The following CHST8 variants were observed in gnomAD, a reference collection of about 807,000 sequenced individuals.
The protein encoded by CHST8 is carbohydrate sulfotransferase 8, also known as GALNAC-4-ST1.
In CHST8, 10 loss-of-function variants were observed where a neutral mutation model predicts 15.0. The observed-to-expected ratio is 0.67, with a 90% CI of 0.41 to 1.13. The LOEUF is 1.13. Ranked by LOEUF, CHST8 falls within the 50% of genes most tolerant of loss-of-function variation. The pLI is 0.00. For missense variants in CHST8, 634 were observed against 608.2 expected (o/e 1.04, Z -0.45); for synonymous variants, 259 against 256.6 (o/e 1.01, Z -0.09).
chr19:33,678,003 G>T (rs912425375), intron 2 of CHST8, among the ~76,000 whole-genome samples: 1 of 152,208 alleles, frequency 6.6e-6, no homozygotes, highest in African/African-American at 2.4e-5. Flanking sequence ...GGCTACAGGT[G>T]CTGAATCAGA....
chr19:33,772,443 A>G lies in CHST8; in HGVS notation c.655A>G (p.Thr219Ala), dbSNP rs1244406803. Residue 219 changes from threonine (T) to alanine (A), a missense_variant, in exon 5 of 5, where the codon ACT (threonine) becomes GCT (alanine). By Grantham distance (58) the Thr-to-Ala change is moderately conservative. Transcript: ENST00000650847. ...GGTGCTGGCCGGCCTGGCCTCGTCC[A>G]CTGCCGACATCCAGCACAACACCGT... Reference protein sequence around the residue: ...LMVLAGLASSTADIQHNTVHY... With the variant: ...LMVLAGLASSAADIQHNTVHY... The G allele has an allele frequency of 6.2e-7, 1 of 1,612,076 alleles. No individual in the cohort carries two copies.
intron 3 of CHST8, among the ~76,000 whole-genome samples, chr19:33,763,942 A>AG (rs1201065254): frequency 2.6e-5 from 4 of 152,192 alleles, no homozygotes; most frequent in Non-Finnish European, 4.4e-5. Flanking sequence ...GGATGGTGAA[A>AG]GGAGCTGGCA....
intron 2 of CHST8, among the ~76,000 whole-genome samples, chr19:33,683,441 G>C (rs572120036): frequency 6.6e-6 from 1 of 152,274 alleles, no homozygotes; most frequent in East Asian, 1.9e-4. Flanking sequence ...GCGGGCCTCG[G>C]GTATTTCAAG....
intron 3 of CHST8, among the ~76,000 whole-genome samples, chr19:33,758,613 T>C (rs1007944617): frequency 2.6e-5 from 4 of 152,204 alleles, no homozygotes; most frequent in African/African-American, 9.6e-5. Context: ...CAAGGCCGGC[T>C]GGAGCTGGAC....
chr19:33,639,897 T>G (rs1449346376), intron 1 of CHST8, among the ~76,000 whole-genome samples: 2 of 150,700 alleles, frequency 1.3e-5, no homozygotes, highest in African/African-American at 4.9e-5. Flanking sequence ...TGGAGTGCAG[T>G]GGCGCGATCT....
intron 2 of CHST8, among the ~76,000 whole-genome samples, chr19:33,678,389 G>C (rs957277018): frequency 6.6e-6 from 1 of 152,116 alleles, no homozygotes; most frequent in African/African-American, 2.4e-5. Flanking sequence ...TCTTAGTCTT[G>C]AGCCTTCACA....
intron 1 of CHST8, among the ~76,000 whole-genome samples, chr19:33,623,068 A>G (rs1972006420): frequency 6.6e-6 from 1 of 152,106 alleles, no homozygotes; most frequent in African/African-American, 2.4e-5. Context: ...GAGGGCGATC[A>G]CGGGTTTTGG....
intron 3 of CHST8, among the ~76,000 whole-genome samples, chr19:33,714,118 C>G (rs541537206): frequency 6.6e-6 from 1 of 152,258 alleles, no homozygotes; most frequent in South Asian, 2.1e-4. Flanking sequence ...AAAAGTAAAA[C>G]TACCATTTGA....
chr19:33,724,557 C>T (rs868643056), intron 3 of CHST8, among the ~76,000 whole-genome samples: 4 of 152,216 alleles, frequency 2.6e-5, no homozygotes, highest in African/African-American at 9.6e-5. Context: ...GCCTGGAGGA[C>T]ACGCCCTCCC....
intron 3 of CHST8, among the ~76,000 whole-genome samples, chr19:33,705,243 G>A (rs1219584397): frequency 6.6e-6 from 1 of 152,170 alleles, no homozygotes; most frequent in African/African-American, 2.4e-5. Flanking sequence ...CAGACCCCAA[G>A]CGGTCCATGA....
chr19:33,731,029 T>A (rs1336431410), intron 3 of CHST8, among the ~76,000 whole-genome samples: 1 of 152,222 alleles, frequency 6.6e-6, no homozygotes, highest in Non-Finnish European at 1.5e-5. Flanking sequence ...GATTAGATGG[T>A]GCCCACCCAG....
At chr19:33,762,414 G>A (rs760492447) in intron 3 of CHST8, among the ~76,000 whole-genome samples, 39 of 152,356 alleles carry the variant, frequency 2.6e-4, no homozygotes, top group Admixed American at 2.5e-3. Flanking sequence ...GGGAATTCAC[G>A]ACCAAGGCTG....
At chr19:33,756,364 A>T (rs1038901240) in intron 3 of CHST8, among the ~76,000 whole-genome samples, 4 of 152,246 alleles carry the variant, frequency 2.6e-5, no homozygotes, top group African/African-American at 9.6e-5. Flanking sequence ...TGCCTCCCAA[A>T]CCGAGGTATG....
At position 33,705,074 on chromosome 19, in the gene CHST8, T is replaced by C. The variant is rs566270140; in HGVS notation, c.130+15683T>C. Among the ~76,000 whole-genome samples the C allele has an allele frequency of 6.6e-5, 10 of 152,220 alleles. No individual in the cohort carries two copies. In the East Asian group the frequency reaches 1.7e-3, roughly 26 times the overall value. On this transcript the variant is annotated intron_variant, in intron 3 of 4. Coordinates refer to ENST00000650847, the MANE Select transcript of CHST8 (RefSeq NM_001127895.2). ...GGCTGGGAGGACTAGATCTTTCCAA[T>C]ACCCTAAACCCCCGTAGGGCTGAGA...
At chr19:33,687,747 G>C (rs1387910429) in intron 2 of CHST8, among the ~76,000 whole-genome samples, 1 of 152,198 alleles carries the variant, frequency 6.6e-6, no homozygotes, top group African/African-American at 2.4e-5. Flanking sequence ...GGAGTCGTGG[G>C]CAGGGGAGCA....
At chr19:33,737,134 T>C (rs1974102857) in intron 3 of CHST8, among the ~76,000 whole-genome samples, 2 of 152,176 alleles carry the variant, frequency 1.3e-5, no homozygotes, top group South Asian at 4.1e-4. Flanking sequence ...CCAGAAAAAC[T>C]CATTAATAAT....
chr19:33,658,753 G>A (rs1972544593), intron 1 of CHST8, among the ~76,000 whole-genome samples: 1 of 152,000 alleles, frequency 6.6e-6, no homozygotes, highest in Admixed American at 6.6e-5. Context: ...CTGTTTAGCA[G>A]TTTGTGTACA....
chr19:33,704,512 G>A (rs1207869614), intron 3 of CHST8, among the ~76,000 whole-genome samples: 1 of 152,212 alleles, frequency 6.6e-6, no homozygotes. Flanking sequence ...CAGGCCCCAG[G>A]GCCAGGGGCC....
chr19:33,630,793 AGTCT>A (rs1204643190), intron 1 of CHST8, among the ~76,000 whole-genome samples: 2 of 152,220 alleles, frequency 1.3e-5, no homozygotes, highest in African/African-American at 4.8e-5. Flanking sequence ...TGGGGCAGGC[AGTCT>A]GTCTACACTT....
Sources: gnomAD v4.1 joint callset for allele counts (sites outside exome capture counted in the v4.1 genomes callset) on GRCh38, gnomAD v4.1.1 for gene constraint, MANE v1.5 for transcripts, NCBI Gene and HGNC (gene_info 2026-07-23, HGNC 2026-07-21) for gene names.